The following ATP5F1A variants were observed in gnomAD, a reference collection of about 807,000 sequenced individuals.
ATP5F1A encodes ATP synthase F(1) complex subunit alpha, mitochondrial.
A neutral mutation model predicts 57.4 loss-of-function variants in ATP5F1A; 24 were observed. The ratio of observed to expected loss-of-function variants is 0.42; its 90% CI spans 0.30 to 0.59. The LOEUF (loss-of-function observed/expected upper bound fraction) is 0.59, where lower values mean the gene tolerates loss of function less well. ATP5F1A is among the 20% of genes least tolerant of loss of function. ATP5F1A has a pLI of 0.19. For synonymous variants in ATP5F1A, 251 were observed against 255.5 expected, an observed-to-expected ratio of 0.98 and a Z score of 0.17; for missense variants, 494 against 707.9, an observed-to-expected ratio of 0.70 and a Z score of 3.43.
chr18:46,088,755 T>G (rs1204182106), intron 5 of ATP5F1A: 1 of 152,062 alleles, frequency 6.6e-6, no homozygotes, highest in Non-Finnish European at 1.5e-5. Flanking sequence ...TGAGGAGGAT[T>G]AGTGAAAGAG....
intron 2 of ATP5F1A, chr18:46,093,116 T>C (rs1416448240): frequency 6.6e-6 from 1 of 151,694 alleles, no homozygotes. Flanking sequence ...CCCACTGCAC[T>C]CCAGCCTGGA....
At chr18:46,098,419 T>C, upstream of ATP5F1A, 1 of 1,365,970 alleles carries the variant, frequency 7.3e-7, no homozygotes, top group Non-Finnish European at 9.5e-7. Context: ...TTACTTATTT[T>C]TTTATGTAAC....
At chr18:46,096,982 C>CAAAAAAAAAAAAAAAAAAAAAAAAA (rs71160709) in intron 1 of ATP5F1A, among the ~76,000 whole-genome samples, 1 of 75,190 alleles carries the variant, frequency 1.3e-5, no homozygotes, top group Admixed American at 1.6e-4. Context: ...GACACCATCT[C>CAAAAAAAAAAAAAAAAAAAAAAAAA]AAAAAAAAAA....
At position 46,083,920 on chromosome 18, in the gene ATP5F1A, G is replaced by A. The variant is rs1233143226; in HGVS notation, c.*362C>T. 1 of 159,006 alleles carries A rather than the reference G, an allele frequency of 6.3e-6. No individual in the cohort carries two copies. Among genetic ancestry groups the A allele is most frequent in the Non-Finnish European group, 1.4e-5 (1 of 73,612 alleles). 9.8% of individuals were successfully genotyped at this position (159,006 alleles called of 1,614,324 possible). A position where few individuals can be genotyped will look rare whatever the true frequency, so the allele number is the denominator to read the frequency against. On this transcript the variant is annotated 3_prime_UTR_variant, in exon 12 of 12. Coordinates refer to ENST00000398752, the MANE Select transcript of ATP5F1A (RefSeq NM_004046.6). ...AGAATTGCTTGAACCCGGAGACGGA[G>A]GTTGCAGTGGGCCGACAGGGTGCCA...
At chr18:46,093,148 A>AAAAAAAT (rs938074357) in intron 2 of ATP5F1A, 5 of 152,122 alleles carry the variant, frequency 3.3e-5, no homozygotes, top group Non-Finnish European at 7.3e-5. Flanking sequence ...ACTCTATCTC[A>AAAAAAAT]AAAAAATAAA....
intron 2 of ATP5F1A, 60 bp downstream of exon 2, chr18:46,094,993 T>C (rs752907367): frequency 5.5e-5 from 84 of 1,531,608 alleles, no homozygotes; most frequent in South Asian, 2.2e-4. Context: ...AGTTATACGA[T>C]GTATGTAATT....
intron 10 of ATP5F1A, 143 bp from the exon 11 acceptor site, chr18:46,084,797 A>G: frequency 1.2e-6 from 1 of 833,094 alleles, no homozygotes; most frequent in Non-Finnish European, 1.8e-6. Flanking sequence ...ATGACCTAGA[A>G]CTCCACTTAA....
intron 8 of ATP5F1A, 123 bp from the exon 9 acceptor site, chr18:46,086,617 CA>C: frequency 1.1e-6 from 1 of 878,914 alleles, no homozygotes; most frequent in South Asian, 1.7e-5. Context: ...ATCAGTACCC[CA>C]AATCTTTCAC....
intron 2 of ATP5F1A, among the ~76,000 whole-genome samples, chr18:46,092,446 T>A (rs1338297598): frequency 3.4e-5 from 5 of 149,002 alleles, no homozygotes; most frequent in African/African-American, 1.2e-4. Context: ...CCGTCTCCAC[T>A]AAAAATAAAA....
At chr18:46,086,722 C>A (rs897395319) in intron 8 of ATP5F1A, 2 of 595,162 alleles carry the variant, frequency 3.4e-6, no homozygotes, top group Non-Finnish European at 5.9e-6. Flanking sequence ...GAAATACATA[C>A]AAATGAAGTG....
At chr18:46,097,531 AGAC>A (rs1209447480) in intron 1 of ATP5F1A, among the ~76,000 whole-genome samples, 4 of 152,176 alleles carry the variant, frequency 2.6e-5, no homozygotes, top group African/African-American at 7.2e-5. Context: ...TCTGCCGGAG[AGAC>A]AATTTAGAAA....
upstream of ATP5F1A, among the ~76,000 whole-genome samples, chr18:46,099,726 G>A (rs532251832): frequency 6.6e-6 from 1 of 152,176 alleles, no homozygotes; most frequent in Admixed American, 6.6e-5. Flanking sequence ...TCTGCGCTGG[G>A]CCCGCTTTTC....
intron 6 of ATP5F1A, 140 bp downstream of exon 6, chr18:46,087,969 G>A (rs2144181807): frequency 3.5e-6 from 3 of 867,846 alleles, no homozygotes; most frequent in Non-Finnish European, 5.3e-6. Context: ...GTTTTACATT[G>A]TCTTACCTAC....
In ATP5F1A at chr18:46,087,242, A is replaced by G. The variant is rs1204369261; in HGVS notation, c.952-10T>C. 4.3e-6 allele frequency: 7 copies of G among 1,613,302 alleles called. No individual in the cohort carries two copies. In the Admixed American group the frequency reaches 1.2e-4, roughly 27 times the overall value. On this transcript the variant is annotated splice_polypyrimidine_tract_variant and intron_variant, in intron 7 of 11. Transcript: ENST00000398752. Reference sequence around the variant, plus strand: ...GACGGTAAGCAACAGCCTATGGTACAGAATAGGTTTGTGAAGTTAACCTAT... The same window carrying G: ...GACGGTAAGCAACAGCCTATGGTACGGAATAGGTTTGTGAAGTTAACCTAT...
At chr18:46,096,754 A>G (rs2578183) in intron 1 of ATP5F1A, among the ~76,000 whole-genome samples, 87,966 of 151,170 alleles carry the variant, frequency 0.58, 26,032 homozygotes, top group African/African-American at 0.69. Flanking sequence ...GGCCGAGGCG[A>G]GCGGATCACC....
rs1305951632 is a variant in ATP5F1A at position 46,082,790 on chromosome 18, C to T, written c.*1492G>A. 9 of 152,186 alleles carry T rather than the reference C, an allele frequency of 5.9e-5. No homozygotes were observed. The highest frequency in any genetic ancestry group is 1.3e-4 in the Non-Finnish European group (9 of 68,082). The allele number at this position is 152,186 out of a possible 1,614,324, so 9.4% of individuals were successfully genotyped here. A position where few individuals can be genotyped will look rare whatever the true frequency, so the allele number is the denominator to read the frequency against. On this transcript the variant is annotated 3_prime_UTR_variant, in exon 12 of 12. Coordinates refer to ENST00000398752, the MANE Select transcript of ATP5F1A (RefSeq NM_004046.6). ...AGTAGGCTGGGCGTGGTGGCTCACA[C>T]CTGTAATCCCAGCACTTTGGGAAGC... is the stretch of plus-strand genomic sequence containing the variant.
Position 46,081,743 on chromosome 18 carries a change from G to A in ATP5F1A, c.*2539C>T, listed in dbSNP as rs2918084. On this transcript the variant is annotated 3_prime_UTR_variant, in exon 12 of 12. Coordinates refer to ENST00000398752, the MANE Select transcript of ATP5F1A (RefSeq NM_004046.6). ...AACTAAAAGTAACTTCCTTATTTCAGAAAAGGAAAATCAGATCTAGAAGTT... is the reference window on the plus strand; with the variant it reads ...AACTAAAAGTAACTTCCTTATTTCAAAAAAGGAAAATCAGATCTAGAAGTT... The A allele has an allele frequency of 1.4e-5, 2 of 139,594 alleles. No homozygotes were observed. The highest frequency in any genetic ancestry group is 3.1e-5 in the Non-Finnish European group (2 of 64,912). The allele number at this position is 139,594 out of a possible 1,614,324, so 8.6% of individuals were successfully genotyped here.
chr18:46,080,720 C>G lies in ATP5F1A; in HGVS notation c.*3562G>C, dbSNP rs1238521890. ...TTTCAAACTCCTGGGCTCAAGTGAT[C>G]GTCCCAAAGTGCTGAGATTACAGGC... On this transcript the variant is annotated 3_prime_UTR_variant, in exon 12 of 12. Coordinates refer to ENST00000398752, the MANE Select transcript of ATP5F1A (RefSeq NM_004046.6). The G allele has an allele frequency of 2.0e-5, 3 of 152,044 alleles. No individual in the cohort carries two copies. Among genetic ancestry groups the G allele is most frequent in the African/African-American group, 7.2e-5 (3 of 41,410 alleles). The allele number at this position is 152,044 out of a possible 1,614,324, so 9.4% of individuals were successfully genotyped here.
intron 1 of ATP5F1A, among the ~76,000 whole-genome samples, chr18:46,096,714 G>GC (rs1599791039): frequency 6.6e-6 from 1 of 151,718 alleles, no homozygotes; most frequent in East Asian, 2.0e-4. Flanking sequence ...GGGCACGACG[G>GC]CTCATGCTTG....
Sources: gnomAD v4.1 joint callset for allele counts (sites outside exome capture counted in the v4.1 genomes callset) on GRCh38, gnomAD v4.1.1 for gene constraint, MANE v1.5 for transcripts, NCBI Gene and HGNC (gene_info 2026-07-23, HGNC 2026-07-21) for gene names.